The following USP8 variants were observed in gnomAD, a reference collection of about 807,000 sequenced individuals.
USP8 encodes ubiquitin specific peptidase 8.
Under a neutral mutation model 130.0 loss-of-function variants are expected in USP8, and 27 were observed. The ratio of observed to expected loss-of-function variants is 0.21; its 90% confidence interval spans 0.15 to 0.29. USP8 has a LOEUF of 0.29. Among genes scored for constraint, USP8 ranks in the 10% least tolerant of loss-of-function variants. The probability of loss-of-function intolerance (pLI) is 1.00; values close to 1 mark genes in which losing one functional copy is unlikely to be tolerated. For synonymous variants in USP8, 392 were observed against 444.1 expected (o/e 0.88, Z 1.48); for missense variants, 1,029 against 1,312.2 (o/e 0.78, Z 3.33).
rs376338698 is a variant in USP8 at position 50,477,051 on chromosome 15, T to C, written c.994+58T>C. ...TTTGGTAAAATATGGTTTAAAATTG[T>C]TTTCCCGGTAACATTCTTGGTTGTG... On this transcript the variant is annotated intron_variant, in intron 9 of 19. Transcript: ENST00000307179. The C allele has an allele frequency of 6.8e-5, 108 of 1,578,022 alleles. No individual in the cohort carries two copies. In the East Asian group the frequency reaches 1.8e-3, roughly 27 times the overall value.
Position 50,477,013 on chromosome 15 carries a change from TGTTTAAAATTGCTTTGGTAAAATATG to T in USP8, c.994+32_994+57del, listed in dbSNP as rs2051589711. On this transcript the variant is annotated intron_variant, in intron 9 of 19. Coordinates refer to ENST00000307179, the MANE Select transcript of USP8 (RefSeq NM_005154.5). ...TCTCATGTATGTATGTGAAAATTTTTGTTTAAAATTGCTTTGGTAAAATATGGTTTAAAATTGTTTTCCCGGTAACA... is the reference window on the plus strand; with the variant it reads ...TCTCATGTATGTATGTGAAAATTTTTGTTTAAAATTGTTTTCCCGGTAACA... 1 of 1,593,154 alleles carries T rather than the reference TGTTTAAAATTGCTTTGGTAAAATATG, an allele frequency of 6.3e-7. No homozygotes were observed. Among genetic ancestry groups the T allele is most frequent in the Non-Finnish European group, 8.5e-7 (1 of 1,175,790 alleles).
chr15:50,429,958 G>A (rs80152267), intron 1 of USP8, among the ~76,000 whole-genome samples: 9,261 of 152,200 alleles, frequency 0.061, 363 homozygotes, highest in African/African-American at 0.11. Flanking sequence ...CTGGAAAACA[G>A]TTACCCTTTT....
At chr15:50,461,965 A>G (rs1475657780) in intron 5 of USP8, among the ~76,000 whole-genome samples, 2 of 152,210 alleles carry the variant, frequency 1.3e-5, no homozygotes, top group Non-Finnish European at 2.9e-5. Flanking sequence ...GTTTGATTGT[A>G]AGAAGTACTT....
chr15:50,437,825 C>A (rs1161232834), intron 1 of USP8, among the ~76,000 whole-genome samples: 1 of 152,144 alleles, frequency 6.6e-6, no homozygotes, highest in Non-Finnish European at 1.5e-5. Flanking sequence ...ACCTTTTCTC[C>A]CCTATCACTA....
chr15:50,494,241 T>G lies in USP8; in HGVS notation c.2619T>G (p.Leu873=), dbSNP rs1595987733. 1 of 1,612,566 alleles carries G rather than the reference T, an allele frequency of 6.2e-7. No individual in the cohort carries two copies. Among genetic ancestry groups the G allele is most frequent in the East Asian group, 2.2e-5 (1 of 44,856 alleles). The change falls in exon 16 of 20, where the codon CTT becomes CTG. Residue 873 remains leucine (L), a synonymous_variant. Coordinates refer to ENST00000307179, the MANE Select transcript of USP8 (RefSeq NM_005154.5). ...GTCAGCAAGATTCACAAGAATTGCT[T>G]CTGTTCCTAATGGATGGTCTCCATG... is the stretch of plus-strand genomic sequence containing the variant. The part of the protein sequence containing the change: ...GYSQQDSQEL[L]LFLMDGLHED...
intron 1 of USP8, among the ~76,000 whole-genome samples, chr15:50,435,669 G>A (rs1392583954): frequency 6.6e-6 from 1 of 152,092 alleles, no homozygotes; most frequent in East Asian, 1.9e-4. Context: ...TTAACACTAG[G>A]CATCCTTAAG....
chr15:50,468,864 GAAT>G (rs1566866371), intron 7 of USP8, among the ~76,000 whole-genome samples: 1 of 152,004 alleles, frequency 6.6e-6, no homozygotes. Context: ...TTCATTAACT[GAAT>G]GCACCCACTT....
At chr15:50,442,556 C>T (rs1160422815) in intron 3 of USP8, among the ~76,000 whole-genome samples, 3 of 151,808 alleles carry the variant, frequency 2.0e-5, no homozygotes, top group Non-Finnish European at 4.4e-5. Context: ...CCAGCCTGGC[C>T]AACATGGTGA....
chr15:50,440,165 G>A (rs1292829993), intron 2 of USP8, among the ~76,000 whole-genome samples: 1 of 152,134 alleles, frequency 6.6e-6, no homozygotes, highest in Non-Finnish European at 1.5e-5. Context: ...AAGTTGATGA[G>A]GTGACAGAAA....
chr15:50,479,574 T>C (rs978958139), intron 10 of USP8, among the ~76,000 whole-genome samples: 1 of 152,110 alleles, frequency 6.6e-6, no homozygotes, highest in African/African-American at 2.4e-5. Context: ...CACCAAAATG[T>C]AAATGGAAAC....
chr15:50,464,962 G>C, intron 6 of USP8, 85 bp from the exon 7 acceptor site: 1 of 1,501,184 alleles, frequency 6.7e-7, no homozygotes, highest in Non-Finnish European at 9.0e-7. Context: ...TGCTCTTCTA[G>C]AAAAAGCGGT....
At chr15:50,493,229 C>A in intron 15 of USP8, 2 of 506,382 alleles carry the variant, frequency 3.9e-6, no homozygotes, top group East Asian at 5.1e-5. Flanking sequence ...CTTATCACCT[C>A]TTTAAAGGCC....
chr15:50,493,143 G>A (rs1448545844), intron 15 of USP8: 18 of 611,824 alleles, frequency 2.9e-5, no homozygotes, highest in Middle Eastern at 4.3e-4. Flanking sequence ...AGGTGGAAGC[G>A]AAAGAGGACA....
At chr15:50,447,579 C>T (rs1010906471) in intron 3 of USP8, among the ~76,000 whole-genome samples, 9 of 150,472 alleles carry the variant, frequency 6.0e-5, no homozygotes, top group Admixed American at 1.3e-4. Context: ...TTTTCCCCTC[C>T]GAGACAGAGT....
At chr15:50,441,969 CTTT>C (rs1011150634) in intron 3 of USP8, among the ~76,000 whole-genome samples, 5,156 of 81,338 alleles carry the variant, frequency 0.063, 58 homozygotes, top group African/African-American at 0.12. Flanking sequence ...CTCCCTAAAT[CTTT>C]TTTTTTTTTT....
At chr15:50,465,420 T>C (rs1454360332) in intron 7 of USP8, among the ~76,000 whole-genome samples, 2 of 152,124 alleles carry the variant, frequency 1.3e-5, no homozygotes, top group African/African-American at 4.8e-5. Flanking sequence ...GAAGAACTGC[T>C]CTCTCACTTT....
chr15:50,444,282 T>A (rs2050354035), intron 3 of USP8, among the ~76,000 whole-genome samples: 1 of 151,836 alleles, frequency 6.6e-6, no homozygotes, highest in African/African-American at 2.4e-5. Context: ...TTTTTGTATT[T>A]TTAGTAGAGA....
rs376320616 is a variant in USP8, at chr15:50,496,088, A to T, written c.2895+4A>T. 35 of 1,584,340 alleles carry T rather than the reference A, an allele frequency of 2.2e-5. No homozygotes were observed. The highest frequency in any genetic ancestry group is 3.0e-5 in the Non-Finnish European group (35 of 1,159,702). On this transcript the variant is annotated splice_donor_region_variant and intron_variant, in intron 17 of 19. Transcript: ENST00000307179. Reference sequence around the variant, plus strand: ...CACAAGTAAATGTACATTACAGGTAAGTTTAAGAAGTAGAGAGAAAATGAT... The same window carrying T: ...CACAAGTAAATGTACATTACAGGTATGTTTAAGAAGTAGAGAGAAAATGAT...
chr15:50,456,338 G>A (rs866676554), intron 4 of USP8, among the ~76,000 whole-genome samples: 1 of 152,064 alleles, frequency 6.6e-6, no homozygotes, highest in African/African-American at 2.4e-5. Flanking sequence ...TTGGGAGGCC[G>A]AGGCAGGTGG....
Sources: allele counts gnomAD v4.1 joint callset (sites outside exome capture counted in the v4.1 genomes callset), GRCh38; gene constraint gnomAD v4.1.1; transcripts MANE v1.5; gene names NCBI Gene and HGNC (gene_info 2026-07-23, HGNC 2026-07-21).